Variants in SPIDR observed in about 807,000 individuals in gnomAD.
SPIDR encodes the protein scaffold protein involved in DNA repair.
A neutral mutation model predicts 104.6 loss-of-function variants in SPIDR; 93 were observed. The ratio of observed to expected loss-of-function variants is 0.89; its 90% CI spans 0.75 to 1.06. SPIDR has a LOEUF of 1.06. Ranked by LOEUF, SPIDR falls within the 50% of genes least tolerant of loss-of-function variation. The pLI, the probability that SPIDR is intolerant of heterozygous loss-of-function variation, is 0.00. For missense variants in SPIDR, 1,154 were observed against 1,111.2 expected, an observed-to-expected ratio of 1.04 and a Z score of -0.55; for synonymous variants, 431 against 416.9, an observed-to-expected ratio of 1.03 and a Z score of -0.41.
chr8:47,671,510 G>T (rs1437254409), intron 10 of SPIDR, among the ~76,000 whole-genome samples: 2 of 151,748 alleles, frequency 1.3e-5, no homozygotes, highest in East Asian at 1.9e-4. Flanking sequence ...ACTTGAACAC[G>T]GGAGATGGAG....
At chr8:47,322,919 C>G (rs547927990) in intron 5 of SPIDR, among the ~76,000 whole-genome samples, 3 of 151,890 alleles carry the variant, frequency 2.0e-5, no homozygotes, top group East Asian at 3.9e-4. Context: ...AGGGGAACAT[C>G]ATACGCCGGG....
chr8:47,670,897 T>C (rs2075699189), intron 10 of SPIDR, among the ~76,000 whole-genome samples: 1 of 152,188 alleles, frequency 6.6e-6, no homozygotes. Context: ...CTAGAGTACG[T>C]AATTTAGAAA....
intron 8 of SPIDR, 95 bp downstream of exon 8, chr8:47,440,637 T>C: frequency 7.9e-7 from 1 of 1,264,328 alleles, no homozygotes; most frequent in Non-Finnish European, 1.1e-6. Context: ...CACTTTATCA[T>C]AGAGCAATGC....
chr8:47,408,306 G>T (rs1417120467), intron 7 of SPIDR, among the ~76,000 whole-genome samples: 1 of 151,976 alleles, frequency 6.6e-6, no homozygotes, highest in African/African-American at 2.4e-5. Flanking sequence ...TCTCACCGTT[G>T]CCCAGGCTGG....
chr8:47,525,806 T>A (rs1487634817), intron 8 of SPIDR, among the ~76,000 whole-genome samples: 1 of 147,604 alleles, frequency 6.8e-6, no homozygotes, highest in African/African-American at 2.5e-5. Context: ...CAAGGCACGG[T>A]GGTAGCACTG....
At chr8:47,402,196 T>G (rs1232703314) in intron 6 of SPIDR, among the ~76,000 whole-genome samples, 1 of 152,138 alleles carries the variant, frequency 6.6e-6, no homozygotes, top group African/African-American at 2.4e-5. Flanking sequence ...CTGGGACACA[T>G]TTAAAGCAGT....
intron 8 of SPIDR, among the ~76,000 whole-genome samples, chr8:47,519,866 C>T (rs900736599): frequency 6.6e-6 from 1 of 152,112 alleles, no homozygotes; most frequent in African/African-American, 2.4e-5. Context: ...AATACATATG[C>T]TTGATTGGAG....
intron 7 of SPIDR, among the ~76,000 whole-genome samples, chr8:47,414,574 T>A (rs2063966024): frequency 6.6e-6 from 1 of 152,224 alleles, no homozygotes; most frequent in African/African-American, 2.4e-5. Flanking sequence ...TGTCTTCCAT[T>A]TGGGGAGTAT....
chr8:47,409,665 T>C (rs1286293065), intron 7 of SPIDR, among the ~76,000 whole-genome samples: 6 of 152,372 alleles, frequency 3.9e-5, no homozygotes, highest in African/African-American at 1.2e-4. Flanking sequence ...TCAACTGTTA[T>C]GTTCTCAACT....
intron 10 of SPIDR, chr8:47,660,506 C>T: frequency 1.0e-6 from 1 of 985,422 alleles, no homozygotes; most frequent in Non-Finnish European, 1.2e-6. Context: ...CAGCTGATGG[C>T]TGAAACAGGT....
At chr8:47,726,558 C>A (rs1267300802) in intron 16 of SPIDR, among the ~76,000 whole-genome samples, 1 of 152,244 alleles carries the variant, frequency 6.6e-6, no homozygotes, top group Admixed American at 6.5e-5. Flanking sequence ...CTCACCCGGC[C>A]TCAGCCCTGC....
rs79921553 is a variant in SPIDR at position 47,459,302 on chromosome 8, G to A, written c.1097+18760G>A. ...TTTTCTTGGTAATTCTTTTATTACC[G>A]TTTCAACCTCGCTGCTTTTTATTGG... On this transcript the variant is annotated intron_variant, in intron 8 of 19. Transcript: ENST00000297423. 2.9e-3 allele frequency among the ~76,000 whole-genome samples: 440 copies of A among 152,094 alleles called. 3 individuals carry two copies. Among genetic ancestry groups the A allele is most frequent in the African/African-American group, 9.4e-3 (390 of 41,520 alleles).
chr8:47,408,335 T>G (rs527376487), intron 7 of SPIDR, among the ~76,000 whole-genome samples: 1 of 152,144 alleles, frequency 6.6e-6, no homozygotes. Flanking sequence ...GACATAATCA[T>G]GTAGCCTCAA....
chr8:47,447,904 A>G (rs1485750139), intron 8 of SPIDR, among the ~76,000 whole-genome samples: 1 of 152,180 alleles, frequency 6.6e-6, no homozygotes, highest in East Asian at 1.9e-4. Flanking sequence ...TGACTAAGGT[A>G]TGCACTTTTT....
chr8:47,305,727 AATG>A (rs2042986915), intron 5 of SPIDR, among the ~76,000 whole-genome samples: 4 of 152,226 alleles, frequency 2.6e-5, no homozygotes, highest in Non-Finnish European at 1.5e-5. Flanking sequence ...GTTAGAATAA[AATG>A]ATATGACTAG....
intron 8 of SPIDR, among the ~76,000 whole-genome samples, chr8:47,487,430 A>G (rs1483017976): frequency 6.6e-6 from 1 of 152,192 alleles, no homozygotes; most frequent in Non-Finnish European, 1.5e-5. Flanking sequence ...CCCACTGTCA[A>G]CATTAGACAG....
chr8:47,357,116 T>C (rs2054709836), intron 5 of SPIDR, among the ~76,000 whole-genome samples: 1 of 152,230 alleles, frequency 6.6e-6, no homozygotes, highest in African/African-American at 2.4e-5. Flanking sequence ...AGTTGAGTGC[T>C]TGTGTAACAT....
chr8:47,468,192 G>T (rs559316232), intron 8 of SPIDR, among the ~76,000 whole-genome samples: 1 of 152,166 alleles, frequency 6.6e-6, no homozygotes, highest in Non-Finnish European at 1.5e-5. Flanking sequence ...ACTGCTTAAA[G>T]AAATCGGAGA....
chr8:47,327,571 T>C (rs1302092849), intron 5 of SPIDR, among the ~76,000 whole-genome samples: 3 of 152,084 alleles, frequency 2.0e-5, no homozygotes, highest in African/African-American at 7.2e-5. Flanking sequence ...TGGCTAATTT[T>C]TTCCCCCTCG....
Sources: allele counts gnomAD v4.1 joint callset (sites outside exome capture counted in the v4.1 genomes callset), GRCh38; gene constraint gnomAD v4.1.1; transcripts MANE v1.5; gene names NCBI Gene and HGNC (gene_info 2026-07-23, HGNC 2026-07-21).